TNRC6C: variants seen among roughly 807,000 people sequenced by gnomAD.
TNRC6C encodes trinucleotide repeat-containing gene 6C protein.
Under a neutral mutation model 153.7 loss-of-function variants are expected in TNRC6C, and 20 were observed. That is an observed-to-expected ratio of 0.13 (90% CI 0.09 to 0.19). The LOEUF (loss-of-function observed/expected upper bound fraction) is 0.19. Among genes scored for constraint, TNRC6C ranks in the 10% least tolerant of loss-of-function variants. The pLI, the probability that TNRC6C is intolerant of heterozygous loss-of-function variation, is 1.00. For synonymous variants in TNRC6C, 811 were observed against 841.4 expected, an observed-to-expected ratio of 0.96 and a Z score of 0.63; for missense variants, 1,987 against 2,172.0, an observed-to-expected ratio of 0.91 and a Z score of 1.69.
chr17:78,026,076 T>C (rs2071936043), intron 1 of TNRC6C, among the ~76,000 whole-genome samples: 1 of 150,916 alleles, frequency 6.6e-6, no homozygotes, highest in Non-Finnish European at 1.5e-5. Context: ...GTTTTTGAGG[T>C]CTCTAGCCTT....
intron 2 of TNRC6C, among the ~76,000 whole-genome samples, chr17:78,043,786 T>C (rs547462455): frequency 6.6e-6 from 1 of 152,346 alleles, no homozygotes; most frequent in South Asian, 2.1e-4. Context: ...TGTTCGTTTT[T>C]AACTCCCACA....
chr17:77,962,175 A>G (rs1036646455), intron 1 of TNRC6C, among the ~76,000 whole-genome samples: 17 of 152,188 alleles, frequency 1.1e-4, no homozygotes, highest in African/African-American at 4.1e-4. Flanking sequence ...TACTGATGAA[A>G]GTTAATTGTT....
exon 13 of TNRC6C, chr17:78,087,015 C>A: frequency 6.2e-7 from 1 of 1,613,902 alleles, no homozygotes; most frequent in South Asian, 1.1e-5. Context: ...CCCCTCGCAC[C>A]CACAGACTCC....
At chr17:78,053,981 CATT>C (rs2072592345) in intron 3 of TNRC6C, among the ~76,000 whole-genome samples, 1 of 152,156 alleles carries the variant, frequency 6.6e-6, no homozygotes, top group East Asian at 1.9e-4. Flanking sequence ...ATTGTGTTAA[CATT>C]ATAAAGTATA....
rs1408606664 is a variant in TNRC6C at position 78,086,335 on chromosome 17, A to T, written c.3478-168A>T. Reference sequence around the variant, plus strand: ...ACAGAGCGAGACTCCATCTAAAAAAAAAAAAAAAAAAAAAAAAAAAAAAAA... The same window carrying T: ...ACAGAGCGAGACTCCATCTAAAAAATAAAAAAAAAAAAAAAAAAAAAAAAA... On this transcript the variant is annotated intron_variant, in intron 11 of 19. Coordinates refer to ENST00000301624, the Ensembl canonical transcript of TNRC6C. Among the ~76,000 whole-genome samples, 3 of 100,110 alleles carry T rather than the reference A, an allele frequency of 3.0e-5. No individual in the cohort carries two copies. In the East Asian group the frequency reaches 1.3e-3, roughly 44 times the overall value. 65.7% of individuals were successfully genotyped at this position (100,110 alleles called of 152,430 possible). A position where few individuals can be genotyped will look rare whatever the true frequency, so the allele number is the denominator to read the frequency against.
intron 2 of TNRC6C, among the ~76,000 whole-genome samples, chr17:78,048,243 T>C (rs192795766): frequency 6.6e-6 from 1 of 152,316 alleles, no homozygotes; most frequent in Admixed American, 6.5e-5. Flanking sequence ...TAATTAAACA[T>C]TTCTAATCCT....
At chr17:78,064,855 G>T in exon 4 of TNRC6C, 3 of 1,613,460 alleles carry the variant, frequency 1.9e-6, no homozygotes, top group South Asian at 2.2e-5. Context: ...GTGGCAGCGG[G>T]TGGGGAGATC....
chr17:78,018,371 G>GC (rs1567917724), intron 1 of TNRC6C, among the ~76,000 whole-genome samples: 1 of 152,084 alleles, frequency 6.6e-6, no homozygotes, highest in African/African-American at 2.4e-5. Flanking sequence ...CTCGTGATCC[G>GC]CCCCGCCTCG....
At chr17:77,976,736 C>T (rs1166675620) in intron 1 of TNRC6C, among the ~76,000 whole-genome samples, 2 of 151,942 alleles carry the variant, frequency 1.3e-5, no homozygotes, top group Non-Finnish European at 2.9e-5. Context: ...AGAGATCAGC[C>T]TAACCAATAT....
Position 78,065,664 on chromosome 17 carries a change from C to T in TNRC6C, c.2611+727C>T, listed in dbSNP as rs143084903. Among the ~76,000 whole-genome samples the T allele has an allele frequency of 1.7e-3, 260 of 152,208 alleles. 2 individuals are homozygous for T. Among genetic ancestry groups the T allele is most frequent in the African/African-American group, 5.8e-3 (240 of 41,538 alleles). ...CTCACAGCAGCCTAACGCATCTTGC[C>T]GTATTGCCCTGCTTTCATCTTGTCA... On this transcript the variant is annotated intron_variant, in intron 4 of 19. Transcript: ENST00000301624.
At chr17:77,974,204 TTAA>T (rs1237661159) in intron 1 of TNRC6C, among the ~76,000 whole-genome samples, 6 of 152,236 alleles carry the variant, frequency 3.9e-5, no homozygotes, top group African/African-American at 1.4e-4. Flanking sequence ...CTCTCGTAAC[TTAA>T]TAATAAGACA....
chr17:77,981,400 G>A (rs1334198917), intron 1 of TNRC6C, among the ~76,000 whole-genome samples: 1 of 152,176 alleles, frequency 6.6e-6, no homozygotes, highest in Non-Finnish European at 1.5e-5. Flanking sequence ...TGTTTATGGA[G>A]ACCAGCCCCC....
At position 78,049,618 on chromosome 17, in the gene TNRC6C, A is replaced by G. The variant is rs2072479743; in HGVS notation, c.556A>G (p.Asn186Asp). ...GAACCTTAACACTGATGGACCAAAT[A>G]ACACTAACCCCATGAACTCTTCACC... Residue 186 changes from asparagine (N) to aspartate (D), a missense_variant, in exon 3 of 20, where the codon AAC (asparagine) becomes GAC (aspartate). Physicochemically the swap from Asn to Asp is conservative, Grantham distance 23. This residue lies in a region of TNRC6C where 1,052 missense variants were observed against 1,017.0 expected (regional missense o/e 1.03). Coordinates refer to ENST00000301624, the Ensembl canonical transcript of TNRC6C. The surrounding 1 kb of genome is among the most constrained non-coding windows in gnomAD (Gnocchi z 4.1). 1.2e-6 allele frequency: 2 copies of G among 1,614,022 alleles called. No homozygotes were observed. Among genetic ancestry groups the G allele is most frequent in the Non-Finnish European group, 1.7e-6 (2 of 1,179,894 alleles).
intron 17 of TNRC6C, among the ~76,000 whole-genome samples, chr17:78,099,630 C>CATGGGAATTGTGGGAGTTACAATTCAAG (rs1182260942): frequency 3.9e-5 from 6 of 152,196 alleles, no homozygotes; most frequent in Non-Finnish European, 1.5e-5. Flanking sequence ...CTTCACGAAA[C>CATGGGAATTGTGGGAGTTACAATTCAAG]ATGGGAATTG....
upstream of TNRC6C, among the ~76,000 whole-genome samples, chr17:78,004,600 T>C (rs1345307239): frequency 6.6e-6 from 1 of 152,206 alleles, no homozygotes; most frequent in Non-Finnish European, 1.5e-5. Flanking sequence ...ACTGATCTTA[T>C]TAGAAAAGCT....
chr17:77,974,624 A>T lies in TNRC6C; in HGVS notation c.-38+15356A>T, dbSNP rs375494571. On this transcript the variant is annotated intron_variant, in intron 1 of 22. Coordinates refer to the TNRC6C transcript ENST00000636222. ...CTGCAGGCACGTGCCACTGCACCCT[A>T]CTTGTGTATGTTTTTGGTTCATTTC... 7.2e-5 allele frequency among the ~76,000 whole-genome samples: 11 copies of T among 152,288 alleles called. No homozygotes were observed. In the East Asian group the frequency reaches 2.1e-3, roughly 29 times the overall value.
chr17:78,089,072 A>G (rs762547212), intron 13 of TNRC6C, among the ~76,000 whole-genome samples: 18 of 149,284 alleles, frequency 1.2e-4, no homozygotes, highest in Non-Finnish European at 2.4e-4. Flanking sequence ...GATTCAAGCA[A>G]TTCTCCTGCC....
At chr17:78,038,549 G>C (rs2072227016) in intron 2 of TNRC6C, among the ~76,000 whole-genome samples, 1 of 151,774 alleles carries the variant, frequency 6.6e-6, no homozygotes, top group South Asian at 2.1e-4. Flanking sequence ...CGTGGTGGCG[G>C]GCGCCTGTAG....
At chr17:77,964,935 A>G (rs2070885902) in intron 1 of TNRC6C, among the ~76,000 whole-genome samples, 1 of 152,164 alleles carries the variant, frequency 6.6e-6, no homozygotes, top group Non-Finnish European at 1.5e-5. Flanking sequence ...AAGGTGATGG[A>G]TTTGTGGGAA....
Sources: allele counts gnomAD v4.1 joint callset (sites outside exome capture counted in the v4.1 genomes callset), GRCh38; gene constraint gnomAD v4.1.1; regional missense constraint gnomAD v4.1.1; non-coding constraint Gnocchi (gnomAD v3.1); transcripts MANE v1.5; gene names NCBI Gene and HGNC (gene_info 2026-07-23, HGNC 2026-07-21).